The following TTYH2 variants were observed in gnomAD, a reference collection of about 807,000 sequenced individuals.
TTYH2 encodes protein tweety homolog 2.
In TTYH2, 49 loss-of-function variants were observed where a neutral mutation model predicts 68.3. The observed-to-expected ratio is 0.72, with a 90% CI of 0.57 to 0.91. The LOEUF is 0.91. Among genes scored for constraint, TTYH2 ranks in the 40% least tolerant of loss-of-function variants. TTYH2 has a pLI of 0.00. For synonymous variants in TTYH2, 272 were observed against 300.8 expected, an observed-to-expected ratio of 0.90 and a Z score of 0.99; for missense variants, 631 against 700.4, an observed-to-expected ratio of 0.90 and a Z score of 1.12.
intron 13 of TTYH2, among the ~76,000 whole-genome samples, chr17:74,256,719 G>A (rs1395716625): frequency 6.6e-6 from 1 of 152,090 alleles, no homozygotes. Flanking sequence ...TGCAATCTCA[G>A]CTCACTGCAT....
chr17:74,235,135 AAG>A (rs1377085250), intron 3 of TTYH2, among the ~76,000 whole-genome samples: 2 of 152,302 alleles, frequency 1.3e-5, no homozygotes, highest in African/African-American at 4.8e-5. Context: ...AAATGAAACA[AAG>A]AGAGCCATTC....
At chr17:74,243,341 G>A in intron 4 of TTYH2, 33 bp from the exon 5 acceptor site, 2 of 1,591,158 alleles carry the variant, frequency 1.3e-6, no homozygotes, top group African/African-American at 2.7e-5. Flanking sequence ...GTTCCACCCT[G>A]CTGCTCCTGA....
At chr17:74,244,254 G>A (rs945605722) in intron 6 of TTYH2, among the ~76,000 whole-genome samples, 1 of 152,230 alleles carries the variant, frequency 6.6e-6, no homozygotes, top group African/African-American at 2.4e-5. Flanking sequence ...GACTGCCCAG[G>A]GTCAGAGCCA....
Position 74,237,226 on chromosome 17 carries a change from A to G in TTYH2, c.415-68A>G, listed in dbSNP as rs570348384. 10 of 1,531,586 alleles carry G rather than the reference A, an allele frequency of 6.5e-6. No individual in the cohort carries two copies. The Admixed American group carries it at 1.7e-4, about 26-fold the overall frequency. 94.9% of individuals were successfully genotyped at this position (1,531,586 alleles called of 1,614,324 possible). Reference sequence around the variant, plus strand: ...GGCCAGGCCACCTTCTGCTGCCTGCAAAGACCTCTTCCGGGATGAGAATCA... The same window carrying G: ...GGCCAGGCCACCTTCTGCTGCCTGCGAAGACCTCTTCCGGGATGAGAATCA... On this transcript the variant is annotated intron_variant, in intron 3 of 13. Coordinates refer to ENST00000269346, the MANE Select transcript of TTYH2 (RefSeq NM_032646.6).
At chr17:74,251,969 C>T (rs948827112) in intron 10 of TTYH2, 9 of 432,008 alleles carry the variant, frequency 2.1e-5, no homozygotes, top group Non-Finnish European at 3.8e-5. Context: ...CACCCTGCAA[C>T]CTCCTCCGCC....
At position 74,250,004 on chromosome 17, in the gene TTYH2, C is replaced by T. The variant is rs765436041; in HGVS notation, c.999C>T (p.Ala333=). 16 of 1,614,120 alleles carry T rather than the reference C, an allele frequency of 9.9e-6. No homozygotes were observed. Among genetic ancestry groups the T allele is most frequent in the African/African-American group, 8.0e-5 (6 of 75,032 alleles). The stretch of plus-strand genomic sequence containing the variant: ...AGGTCGCGGGGCTGCTGCAGTTTGC[C>T]GTGCCCCTCTTCTCCACTGCAGAGG... ...QIQVAGLLQF[A]VPLFSTAEED... is the part of the protein sequence containing the mutation. The change falls in exon 9 of 14, where the codon GCC becomes GCT. Residue 333 remains alanine (A), a synonymous_variant. Transcript: ENST00000269346.
At position 74,249,015 on chromosome 17, in the gene TTYH2, C is replaced by A; in HGVS notation, c.809C>A (p.Thr270Asn). Residue 270 changes from threonine (T) to asparagine (N), a missense_variant, in exon 7 of 14, where the codon ACC (threonine) becomes AAC (asparagine). Transcript: ENST00000269346. Reference sequence around the variant, plus strand: ...GTCCCTCTCTCCCTCACTCAGGCCACCAGTGACTTCTGTGTGGCTCCTGAC... The same window carrying A: ...GTCCCTCTCTCCCTCACTCAGGCCAACAGTGACTTCTGTGTGGCTCCTGAC... Reference protein sequence around the residue: ...LAADGSAAVATSDFCVAPDTF... With the variant: ...LAADGSAAVANSDFCVAPDTF... 6.2e-7 allele frequency: 1 copy of A among 1,614,172 alleles called. No homozygotes were observed. Among genetic ancestry groups the A allele is most frequent in the Non-Finnish European group, 8.5e-7 (1 of 1,180,020 alleles).
intron 6 of TTYH2, among the ~76,000 whole-genome samples, chr17:74,246,433 G>C (rs1256935697): frequency 6.6e-6 from 1 of 152,122 alleles, no homozygotes; most frequent in African/African-American, 2.4e-5. Flanking sequence ...GGTTCATCCT[G>C]GGAGGCACAC....
At chr17:74,229,678 C>T (rs1418752889) in intron 2 of TTYH2, among the ~76,000 whole-genome samples, 1 of 152,108 alleles carries the variant, frequency 6.6e-6, no homozygotes, top group Non-Finnish European at 1.5e-5. Flanking sequence ...AAATATTATT[C>T]AGCACTGAAA....
chr17:74,216,790 G>A (rs138712992), intron 1 of TTYH2, among the ~76,000 whole-genome samples: 2,864 of 152,378 alleles, frequency 0.019, 49 homozygotes, highest in Non-Finnish European at 0.027. Context: ...ATGTCTGGAA[G>A]GAAATCAGCC....
chr17:74,253,623 C>T, intron 12 of TTYH2, 132 bp from the exon 13 acceptor site: 1 of 844,846 alleles, frequency 1.2e-6, no homozygotes, highest in South Asian at 1.5e-5. Flanking sequence ...CACTGCACCC[C>T]CTCCACTCTA....
intron 8 of TTYH2, 127 bp downstream of exon 8, chr17:74,249,526 C>T (rs1368073714): frequency 1.8e-5 from 18 of 1,021,582 alleles, no homozygotes; most frequent in Non-Finnish European, 2.5e-5. Flanking sequence ...CTCTCCTTAG[C>T]TGCTTCTGTG....
chr17:74,225,357 G>A (rs1598215861), intron 2 of TTYH2, among the ~76,000 whole-genome samples: 1 of 152,126 alleles, frequency 6.6e-6, no homozygotes, highest in East Asian at 1.9e-4. Context: ...GACACAGGGG[G>A]CAGATGGGAT....
chr17:74,249,171 AC>A (rs1416222466), intron 7 of TTYH2, 91 bp downstream of exon 7: 20 of 1,587,120 alleles, frequency 1.3e-5, no homozygotes, highest in Non-Finnish European at 1.7e-5. Flanking sequence ...TAGCCATCCA[AC>A]CCCTCCTCAA....
intron 3 of TTYH2, among the ~76,000 whole-genome samples, chr17:74,237,024 G>A (rs762373482): frequency 2.0e-5 from 3 of 151,582 alleles, no homozygotes; most frequent in Non-Finnish European, 2.9e-5. Context: ...AACCTCCCAA[G>A]TAGCTAGGAC....
At position 74,261,923 on chromosome 17, in the gene TTYH2, A is replaced by G. The variant is rs540881641; in HGVS notation, c.*1714A>G. 1 of 152,740 alleles carries G rather than the reference A, an allele frequency of 6.5e-6. No homozygotes were observed. Among genetic ancestry groups the G allele is most frequent in the South Asian group, 2.1e-4 (1 of 4,828 alleles). 9.5% of individuals were successfully genotyped at this position (152,740 alleles called of 1,614,324 possible). ...TGTTTTTAATGCATGGAAACTAAAC[A>G]GATTCCTCGGGGAGTTCCTGAAGGA... is the stretch of plus-strand genomic sequence containing the variant. On this transcript the variant is annotated 3_prime_UTR_variant, in exon 14 of 14. Coordinates refer to ENST00000269346, the MANE Select transcript of TTYH2 (RefSeq NM_032646.6).
At chr17:74,245,386 G>A (rs563394955) in intron 6 of TTYH2, among the ~76,000 whole-genome samples, 3 of 152,384 alleles carry the variant, frequency 2.0e-5, no homozygotes, top group South Asian at 2.1e-4. Flanking sequence ...CCAGGGCCAC[G>A]CACAGGGAAG....
intron 13 of TTYH2, among the ~76,000 whole-genome samples, chr17:74,257,709 TTGA>T (rs1236335408): frequency 6.6e-6 from 1 of 152,206 alleles, no homozygotes; most frequent in African/African-American, 2.4e-5. Flanking sequence ...TTTCTTGGAC[TTGA>T]TGAACAAAAA....
chr17:74,233,852 G>A (rs552032411), intron 3 of TTYH2, among the ~76,000 whole-genome samples: 1 of 152,194 alleles, frequency 6.6e-6, no homozygotes, highest in East Asian at 1.9e-4. Flanking sequence ...GGCCCCTCCA[G>A]GCTCTCTCAT....
Sources: allele counts gnomAD v4.1 joint callset (sites outside exome capture counted in the v4.1 genomes callset), GRCh38; gene constraint gnomAD v4.1.1; transcripts MANE v1.5; gene names NCBI Gene and HGNC (gene_info 2026-07-23, HGNC 2026-07-21).